The following STK10 variants were observed in gnomAD, a reference collection of about 807,000 sequenced individuals.
STK10 encodes the protein serine/threonine kinase 10.
In STK10, 78 loss-of-function variants were observed where a neutral mutation model predicts 113.8. The observed-to-expected ratio is 0.69, with a 90% CI of 0.57 to 0.83. The LOEUF is 0.83. Among genes scored for constraint, STK10 ranks in the 40% least tolerant of loss-of-function variants. The pLI, the probability that STK10 is intolerant of heterozygous loss-of-function variation, is 0.00. For missense variants in STK10, 1,109 were observed against 1,280.1 expected (o/e 0.87, Z 2.04); for synonymous variants, 465 against 494.7 (o/e 0.94, Z 0.80).
rs184063104 is a variant in STK10, at chr5:172,051,354, C to T, written c.2766+1575G>A. 2.2e-3 allele frequency among the ~76,000 whole-genome samples: 337 copies of T among 149,846 alleles called. 1 individual carries two copies. The highest frequency in any genetic ancestry group is 3.0e-3 in the Non-Finnish European group (203 of 67,394). On this transcript the variant is annotated intron_variant, in intron 18 of 18. Transcript: ENST00000176763. ...AGGAGGCAGAGGTTGCAGAGAGCCACGTTCCCACGCCTGTAATCCCAGCAC... is the reference window on the plus strand; with the variant it reads ...AGGAGGCAGAGGTTGCAGAGAGCCATGTTCCCACGCCTGTAATCCCAGCAC...
chr5:172,082,818 T>C lies in STK10; in HGVS notation c.1809+143A>G. 1 of 1,345,020 alleles carries C rather than the reference T, an allele frequency of 7.4e-7. No homozygotes were observed. The highest frequency in any genetic ancestry group is 1.0e-6 in the Non-Finnish European group (1 of 991,716). 83.3% of individuals were successfully genotyped at this position (1,345,020 alleles called of 1,614,324 possible). A position where few individuals can be genotyped will look rare whatever the true frequency, so the allele number is the denominator to read the frequency against. On this transcript the variant is annotated intron_variant, in intron 11 of 18. Transcript: ENST00000176763. This position sits in a 1 kb window ranked among gnomAD's most constrained non-coding sequence, Gnocchi z 4.3. ...GGTTCTGTGTTAACAAGTCACTGCC[T>C]AACAAGATCGGGAAGCCCCCAGGAA...
At chr5:172,064,893 C>CG (rs1191647084) in intron 12 of STK10, 81 bp from the exon 13 acceptor site, 12 of 1,490,160 alleles carry the variant, frequency 8.1e-6, no homozygotes, top group Non-Finnish European at 1.1e-5. Flanking sequence ...GCAGAACCCC[C>CG]GGGCCAGAGA....
At chr5:172,155,195 TTA>T in intron 2 of STK10, among the ~76,000 whole-genome samples, 1 of 152,016 alleles carries the variant, frequency 6.6e-6, no homozygotes, top group African/African-American at 2.4e-5. Flanking sequence ...GCAATAGACA[TTA>T]AAGACTCTTA....
At chr5:172,077,085 C>T (rs1363722492) in intron 12 of STK10, among the ~76,000 whole-genome samples, 2 of 152,222 alleles carry the variant, frequency 1.3e-5, no homozygotes, top group African/African-American at 2.4e-5. Flanking sequence ...ACCAGCACTG[C>T]TCTCCCGCTG....
Position 172,156,687 on chromosome 5 carries a change from G to A in STK10, c.258C>T (p.Ala86=). ...EDYIVEIEIL[A]TCDHPYIVKL... is the part of the protein sequence containing the mutation. The stretch of plus-strand genomic sequence containing the variant: ...TCACAATGTAGGGGTGGTCGCAGGT[G>A]GCCAGGATCTCAATCTCCACGATGT... Residue 86 remains alanine (A), a synonymous_variant, in exon 2 of 19, where the codon GCC becomes GCT. Transcript: ENST00000176763. The A allele has an allele frequency of 6.2e-7, 1 of 1,614,174 alleles. No homozygotes were observed. Among genetic ancestry groups the A allele is most frequent in the Non-Finnish European group, 8.5e-7 (1 of 1,180,026 alleles).
chr5:172,065,292 CTTTTTTTTT>C (rs535856789), intron 12 of STK10, among the ~76,000 whole-genome samples: 5 of 123,204 alleles, frequency 4.1e-5, no homozygotes, highest in African/African-American at 1.2e-4. Context: ...TGAAAATGCA[CTTTTTTTTT>C]TTTTTTTTTT....
intron 4 of STK10, among the ~76,000 whole-genome samples, chr5:172,112,409 GACCTT>G (rs2113771733): frequency 6.7e-6 from 1 of 149,090 alleles, no homozygotes; most frequent in East Asian, 2.0e-4. Context: ...GCACAGAAGG[GACCTT>G]ACTTTTTTTT....
At chr5:172,106,151 C>T (rs1293736463) in intron 6 of STK10, among the ~76,000 whole-genome samples, 1 of 152,040 alleles carries the variant, frequency 6.6e-6, no homozygotes, top group Non-Finnish European at 1.5e-5. Context: ...TAGCTCACGC[C>T]TGTAATTCCA....
intron 2 of STK10, among the ~76,000 whole-genome samples, chr5:172,148,887 A>T (rs1239992400): frequency 1.3e-5 from 2 of 152,218 alleles, no homozygotes; most frequent in Non-Finnish European, 2.9e-5. Context: ...AATGGGGGTG[A>T]CAACATCTCA....
rs566734321 is a variant in STK10 at position 172,120,548 on chromosome 5, G to A, written c.371-2918C>T. On this transcript the variant is annotated intron_variant, in intron 3 of 18. Transcript: ENST00000176763. The surrounding 1 kb of genome is among the most constrained non-coding windows in gnomAD (Gnocchi z 4.0). ...CATGGGCTTCAGGACCACACAGACC[G>A]AGGCCGTACCCAGGTGCTGCCTCTC... is the stretch of plus-strand genomic sequence containing the variant. 1.3e-3 allele frequency among the ~76,000 whole-genome samples: 191 copies of A among 152,282 alleles called. No homozygotes were observed. The highest frequency in any genetic ancestry group is 2.7e-3 in the South Asian group (13 of 4,826).
chr5:172,180,634 TACA>T (rs200633675), intron 1 of STK10, among the ~76,000 whole-genome samples: 1,809 of 135,894 alleles, frequency 0.013, 9 homozygotes, highest in Non-Finnish European at 0.018. Context: ...CTACTAAAAA[TACA>T]ACAACAACAA....
At chr5:172,080,824 C>T (rs906986640) in intron 12 of STK10, among the ~76,000 whole-genome samples, 2 of 152,246 alleles carry the variant, frequency 1.3e-5, no homozygotes, top group Non-Finnish European at 2.9e-5. Flanking sequence ...TCCTGAAGAC[C>T]TAGCTAAGAT....
intron 3 of STK10, among the ~76,000 whole-genome samples, chr5:172,122,230 T>A (rs1399922655): frequency 2.0e-5 from 3 of 152,166 alleles, no homozygotes; most frequent in African/African-American, 4.8e-5. Context: ...TTCACTTTTT[T>A]AAGGTATACA....
At chr5:172,135,269 T>C (rs1769828496) in intron 2 of STK10, among the ~76,000 whole-genome samples, 1 of 152,112 alleles carries the variant, frequency 6.6e-6, no homozygotes, top group African/African-American at 2.4e-5. Flanking sequence ...TCCCAGCACT[T>C]TGGGAGGCTG....
chr5:172,064,415 G>A, intron 13 of STK10: 1 of 430,532 alleles, frequency 2.3e-6, no homozygotes, highest in Admixed American at 3.5e-5. Context: ...GTTGGTCAAG[G>A]AGATGTGACT....
At chr5:172,103,466 G>GGA (rs1769038106) in intron 7 of STK10, among the ~76,000 whole-genome samples, 1 of 152,112 alleles carries the variant, frequency 6.6e-6, no homozygotes, top group Non-Finnish European at 1.5e-5. Context: ...GGGGATGGGG[G>GGA]ACAGCTGGTC....
chr5:172,134,844 A>C (rs1188115805), intron 2 of STK10, among the ~76,000 whole-genome samples: 3 of 151,738 alleles, frequency 2.0e-5, no homozygotes, highest in African/African-American at 7.3e-5. Context: ...GGATCATTTG[A>C]GCTTGGGAGG....
chr5:172,163,549 T>A (rs1038631436), intron 1 of STK10, among the ~76,000 whole-genome samples: 6 of 152,112 alleles, frequency 3.9e-5, no homozygotes, highest in Admixed American at 2.0e-4. Context: ...GGTGCCGGTT[T>A]CCCAAGTGAG....
intron 12 of STK10, among the ~76,000 whole-genome samples, chr5:172,074,506 T>G (rs1284277445): frequency 6.6e-6 from 1 of 152,168 alleles, no homozygotes; most frequent in African/African-American, 2.4e-5. Flanking sequence ...TAATTATTAT[T>G]ATAGCAGTAA....
Sources: allele counts gnomAD v4.1 joint callset (sites outside exome capture counted in the v4.1 genomes callset), GRCh38; gene constraint gnomAD v4.1.1; non-coding constraint Gnocchi (gnomAD v3.1); transcripts MANE v1.5; gene names NCBI Gene and HGNC (gene_info 2026-07-23, HGNC 2026-07-21).